The following UBAP1L variants were observed in gnomAD, a reference collection of about 807,000 sequenced individuals.
UBAP1L encodes the protein ubiquitin associated protein 1 like.
In UBAP1L, 32 loss-of-function variants were observed where a neutral mutation model predicts 32.1. The ratio of observed to expected loss-of-function variants is 1.00; its 90% CI spans 0.75 to 1.34. The LOEUF (loss-of-function observed/expected upper bound fraction) is 1.34, where lower values mean the gene tolerates loss of function less well. UBAP1L is among the 40% of genes most tolerant of loss of function. The pLI, the probability that UBAP1L is intolerant of heterozygous loss-of-function variation, is 0.00. For synonymous variants in UBAP1L, 243 were observed against 250.2 expected (o/e 0.97, Z 0.27); for missense variants, 516 against 540.5 (o/e 0.95, Z 0.45).
Position 65,102,686 on chromosome 15 carries a change from T to C in UBAP1L, c.121-2A>G, listed in dbSNP as rs2087259306. On this transcript the variant is annotated splice_acceptor_variant, in intron 2 of 5. Transcript: ENST00000559089. LOFTEE classifies it high-confidence loss of function. The surrounding 1 kb of genome is among the most constrained non-coding windows in gnomAD (Gnocchi z 5.0). ...CGTCCTCTCCAGGCTGAAGTCGTGC[T>C]GCGGAAAGAAGGCGACGTAAAGCCC... The C allele has an allele frequency of 6.5e-7, 1 of 1,545,714 alleles. No homozygotes were observed. The highest frequency in any genetic ancestry group is 8.7e-7 in the Non-Finnish European group (1 of 1,146,470).
In UBAP1L at chr15:65,110,537, T is replaced by C. The variant is rs1444691543; in HGVS notation, c.-173-4149A>G. On this transcript the variant is annotated intron_variant, in intron 1 of 5. Coordinates refer to ENST00000559089, the MANE Select transcript of UBAP1L (RefSeq NM_001163692.2). ...AACTAAAAATACAAAAAAAAAAACA[T>C]AGCTGGGCATGGTGGCACGCGCCTG... Among the ~76,000 whole-genome samples, 8 of 146,636 alleles carry C rather than the reference T, an allele frequency of 5.5e-5. No individual in the cohort carries two copies. The East Asian group carries it at 1.6e-3, about 29-fold the overall frequency.
Position 65,093,045 on chromosome 15 carries a change from C to T in UBAP1L, c.*52G>A. ...TTAATAATACAGTTAGGATGGGTTG[C>T]CAGGTCTGGCATTGGGCCTAGATGC... On this transcript the variant is annotated 3_prime_UTR_variant, in exon 6 of 6. Coordinates refer to ENST00000559089, the MANE Select transcript of UBAP1L (RefSeq NM_001163692.2). 1 of 1,521,928 alleles carries T rather than the reference C, an allele frequency of 6.6e-7. No homozygotes were observed. Among genetic ancestry groups the T allele is most frequent in the Non-Finnish European group, 8.8e-7 (1 of 1,138,946 alleles). 94.3% of individuals were successfully genotyped at this position (1,521,928 alleles called of 1,614,324 possible).
At chr15:65,103,523 T>C (rs773333947) in intron 2 of UBAP1L, among the ~76,000 whole-genome samples, 1 of 152,232 alleles carries the variant, frequency 6.6e-6, no homozygotes, top group Non-Finnish European at 1.5e-5. Flanking sequence ...TGTTCTACCA[T>C]GGCCAGTTAA....
rs2087157212 is a variant in UBAP1L, at chr15:65,094,870, G to C, written c.910-294C>G. On this transcript the variant is annotated intron_variant, in intron 4 of 5. Coordinates refer to ENST00000559089, the MANE Select transcript of UBAP1L (RefSeq NM_001163692.2). The surrounding 1 kb of genome is among the most constrained non-coding windows in gnomAD (Gnocchi z 4.2). The stretch of plus-strand genomic sequence containing the variant: ...GGTGTTCATAGAACCTAGGTGGGGA[G>C]CAGGACAGGCTTCAAACACAGACAT... The C allele has an allele frequency of 4.4e-6, 2 of 458,014 alleles. No homozygotes were observed. The highest frequency in any genetic ancestry group is 8.1e-6 in the Non-Finnish European group (2 of 247,060). 28.4% of individuals were successfully genotyped at this position (458,014 alleles called of 1,614,324 possible).
intron 1 of UBAP1L, among the ~76,000 whole-genome samples, chr15:65,110,877 CTGCCAGGA>C (rs1371059298): frequency 6.6e-6 from 1 of 152,244 alleles, no homozygotes; most frequent in East Asian, 1.9e-4. Context: ...TCTGTCATCC[CTGCCAGGA>C]TGACGCAAAG....
chr15:65,113,679 C>T (rs534014894), intron 1 of UBAP1L, among the ~76,000 whole-genome samples: 81 of 152,054 alleles, frequency 5.3e-4, no homozygotes, highest in African/African-American at 1.8e-3. Flanking sequence ...ACCTGGGAGG[C>T]GAAGGTTGCA....
In UBAP1L at chr15:65,102,667, C is replaced by A; in HGVS notation, c.138G>T (p.Glu46Asp). ...LLGSMHDFSL[E>D]RTALFWVEAA... is the part of the protein sequence containing the mutation. ...CCTCCACCCAGAAGAGTGCCGTCCT[C>A]TCCAGGCTGAAGTCGTGCTGCGGAA... The change falls in exon 3 of 6, where the codon GAG (glutamate) becomes GAT (aspartate). Residue 46 changes from glutamate (E) to aspartate (D), a missense_variant. Physicochemically the swap from Glu to Asp is conservative, Grantham distance 45. Transcript: ENST00000559089. This position sits in a 1 kb window ranked among gnomAD's most constrained non-coding sequence, Gnocchi z 5.0. The A allele has an allele frequency of 2.6e-6, 4 of 1,548,072 alleles. No homozygotes were observed. Among genetic ancestry groups the A allele is most frequent in the Middle Eastern group, 1.7e-4 (1 of 5,988 alleles).
At chr15:65,110,616 C>T (rs764861064) in intron 1 of UBAP1L, among the ~76,000 whole-genome samples, 3 of 141,550 alleles carry the variant, frequency 2.1e-5, no homozygotes, top group South Asian at 2.3e-4. Flanking sequence ...ACCCAGGAGG[C>T]GGAGGTTGAG....
chr15:65,102,811 C>T lies in UBAP1L; in HGVS notation c.121-127G>A. 1.2e-6 allele frequency: 1 copy of T among 853,022 alleles called. No individual in the cohort carries two copies. The highest frequency in any genetic ancestry group is 1.9e-5 in the South Asian group (1 of 53,370). The allele number at this position is 853,022 out of a possible 1,614,324, so 52.8% of individuals were successfully genotyped here. On this transcript the variant is annotated intron_variant, in intron 2 of 5. Coordinates refer to ENST00000559089, the MANE Select transcript of UBAP1L (RefSeq NM_001163692.2). The surrounding 1 kb of genome is among the most constrained non-coding windows in gnomAD (Gnocchi z 5.0). ...AGCCTGGACAGCGTCAGATTCTGAG[C>T]CCCGGGCTTCCATCACAGCCCACTC...
In UBAP1L at chr15:65,106,396, A is replaced by C. The variant is rs2087312472; in HGVS notation, c.-173-8T>G. ...AAGGTGAGGGGGCCAGTGCTGCATAAAGGAAGGAAATGAATAAAAACAAGA... is the reference window on the plus strand; with the variant it reads ...AAGGTGAGGGGGCCAGTGCTGCATACAGGAAGGAAATGAATAAAAACAAGA... On this transcript the variant is annotated splice_polypyrimidine_tract_variant and splice_region_variant and intron_variant, in intron 1 of 5. Transcript: ENST00000559089. 1 of 578,072 alleles carries C rather than the reference A, an allele frequency of 1.7e-6. No homozygotes were observed. The highest frequency in any genetic ancestry group is 2.8e-6 in the Non-Finnish European group (1 of 357,392). 35.8% of individuals were successfully genotyped at this position (578,072 alleles called of 1,614,324 possible).
chr15:65,106,656 T>C (rs906593392), intron 1 of UBAP1L, among the ~76,000 whole-genome samples: 13 of 113,806 alleles, frequency 1.1e-4, no homozygotes, highest in South Asian at 6.0e-4. Flanking sequence ...TTTTTTTTTT[T>C]CTGGGACGAA....
chr15:65,099,419 A>C (rs1381988964), intron 4 of UBAP1L, 86 bp downstream of exon 4: 2 of 1,398,012 alleles, frequency 1.4e-6, no homozygotes, highest in Non-Finnish European at 1.9e-6. Context: ...TGTTGGGCCT[A>C]TGTCACAGCT....
chr15:65,101,849 G>A (rs1022034121), intron 3 of UBAP1L, among the ~76,000 whole-genome samples: 43 of 152,190 alleles, frequency 2.8e-4, no homozygotes, highest in African/African-American at 9.6e-4. Flanking sequence ...TAAAACCACT[G>A]TGACCTGCTC....
chr15:65,106,083 G>A lies in UBAP1L; in HGVS notation c.120+13C>T. On this transcript the variant is annotated intron_variant, in intron 2 of 5. Coordinates refer to ENST00000559089, the MANE Select transcript of UBAP1L (RefSeq NM_001163692.2). ...CACAGACCCAGAAGACAGAAACACAGAGACACACTTACCATAGAACCCAGC... is the reference window on the plus strand; with the variant it reads ...CACAGACCCAGAAGACAGAAACACAAAGACACACTTACCATAGAACCCAGC... The A allele has an allele frequency of 1.9e-6, 3 of 1,551,128 alleles. No individual in the cohort carries two copies. The highest frequency in any genetic ancestry group is 2.6e-6 in the Non-Finnish European group (3 of 1,146,858).
chr15:65,109,668 A>G (rs2087355317), intron 1 of UBAP1L, among the ~76,000 whole-genome samples: 2 of 152,158 alleles, frequency 1.3e-5, no homozygotes, highest in Non-Finnish European at 2.9e-5. Context: ...GAGACTTTTA[A>G]TATGCACTTT....
chr15:65,093,247 C>T lies in UBAP1L; in HGVS notation c.1012-16G>A, dbSNP rs1566964282. The T allele has an allele frequency of 6.5e-7, 1 of 1,536,288 alleles. No homozygotes were observed. The highest frequency in any genetic ancestry group is 2.5e-5 in the East Asian group (1 of 40,654). On this transcript the variant is annotated splice_polypyrimidine_tract_variant and intron_variant, in intron 5 of 5. Coordinates refer to ENST00000559089, the MANE Select transcript of UBAP1L (RefSeq NM_001163692.2). ...ACTCCCCTGCCTGAGGAAGAGGAGACAGGGAGGGTGCTGGGGGCTCTGCTG... is the reference window on the plus strand; with the variant it reads ...ACTCCCCTGCCTGAGGAAGAGGAGATAGGGAGGGTGCTGGGGGCTCTGCTG...
chr15:65,103,329 T>C (rs890151077), intron 2 of UBAP1L, among the ~76,000 whole-genome samples: 1 of 152,210 alleles, frequency 6.6e-6, no homozygotes, highest in African/African-American at 2.4e-5. Flanking sequence ...GTGGACCTGA[T>C]TGTAGTGCTT....
At chr15:65,106,830 G>A (rs555612631) in intron 1 of UBAP1L, among the ~76,000 whole-genome samples, 10 of 151,988 alleles carry the variant, frequency 6.6e-5, no homozygotes, top group Middle Eastern at 3.4e-3. Context: ...TAGTAGAGAC[G>A]GGGTTTCACC....
intron 1 of UBAP1L, among the ~76,000 whole-genome samples, chr15:65,108,439 T>C (rs1274033254): frequency 6.6e-6 from 1 of 152,080 alleles, no homozygotes; most frequent in Non-Finnish European, 1.5e-5. Flanking sequence ...TCAAAACATT[T>C]CTTAAGTTAC....
Sources: gnomAD v4.1 joint callset for allele counts (sites outside exome capture counted in the v4.1 genomes callset) on GRCh38, gnomAD v4.1.1 for gene constraint, Gnocchi (gnomAD v3.1) non-coding constraint, MANE v1.5 for transcripts, NCBI Gene and HGNC (gene_info 2026-07-23, HGNC 2026-07-21) for gene names.